SLCO3A1: variants seen among roughly 807,000 people sequenced by gnomAD.
SLCO3A1 encodes solute carrier organic anion transporter family member 3A1, also known as PGE1 transporter.
Under a neutral mutation model 63.1 loss-of-function variants are expected in SLCO3A1, and 27 were observed. That is an observed-to-expected ratio of 0.43 (90% CI 0.32 to 0.59). The LOEUF (loss-of-function observed/expected upper bound fraction) is 0.59, where lower values mean the gene tolerates loss of function less well. Among genes scored for constraint, SLCO3A1 ranks in the 20% least tolerant of loss-of-function variants. The pLI is 0.09. For synonymous variants in SLCO3A1, 473 were observed against 409.9 expected, an observed-to-expected ratio of 1.15 and a Z score of -1.86; for missense variants, 773 against 945.8, an observed-to-expected ratio of 0.82 and a Z score of 2.40.
intron 1 of SLCO3A1, among the ~76,000 whole-genome samples, chr15:91,893,640 A>T (rs2151359189): frequency 6.6e-6 from 1 of 152,310 alleles, no homozygotes; most frequent in African/African-American, 2.4e-5. Context: ...ATATATGAAC[A>T]TTTTTAAAAG....
At chr15:91,978,805 C>T (rs868006204) in intron 2 of SLCO3A1, among the ~76,000 whole-genome samples, 4 of 152,206 alleles carry the variant, frequency 2.6e-5, no homozygotes, top group Non-Finnish European at 2.9e-5. Context: ...AAACTTTCCA[C>T]GTATCAGTAT....
At chr15:92,135,069 AGGCAT>A (rs1219042484) in intron 7 of SLCO3A1, among the ~76,000 whole-genome samples, 1 of 152,210 alleles carries the variant, frequency 6.6e-6, no homozygotes, top group Admixed American at 6.5e-5. Context: ...TTTGGTAGCC[AGGCAT>A]GGAAGGACAT....
At position 91,882,427 on chromosome 15, in the gene SLCO3A1, CAATG is replaced by C. The variant is rs1326663838; in HGVS notation, c.180+28345_180+28348del. Among the ~76,000 whole-genome samples, 3 of 152,180 alleles carry C rather than the reference CAATG, an allele frequency of 2.0e-5. No homozygotes were observed. The highest frequency in any genetic ancestry group is 4.4e-5 in the Non-Finnish European group (3 of 68,036). ...TTTGGTAAATATTTACTAAATGAAT[CAATG>C]AATGATCAAACAGAGGGACATGAAA... On this transcript the variant is annotated intron_variant, in intron 1 of 9. Transcript: ENST00000318445. This position sits in a 1 kb window ranked among gnomAD's most constrained non-coding sequence, Gnocchi z 4.4.
Position 92,002,289 on chromosome 15 carries a change from C to T in SLCO3A1, c.646+85831C>T, listed in dbSNP as rs145969781. Among the ~76,000 whole-genome samples the T allele has an allele frequency of 4.2e-3, 642 of 152,246 alleles. 2 individuals carry two copies. Among genetic ancestry groups the T allele is most frequent in the Middle Eastern group, 0.034 (10 of 294 alleles). On this transcript the variant is annotated intron_variant, in intron 2 of 9. Transcript: ENST00000318445. ...CAGGGCCCTGTTCCAAGGCAGGCAA[C>T]GTCTAGACACAGTCCTTGGCCTGAG...
chr15:92,145,962 C>CG (rs5814520), intron 7 of SLCO3A1, among the ~76,000 whole-genome samples: 3 of 151,738 alleles, frequency 2.0e-5, no homozygotes, highest in East Asian at 1.9e-4. Context: ...TCAGAAAACC[C>CG]TATCTCTGTG....
chr15:92,154,085 A>C (rs938231612), intron 9 of SLCO3A1, among the ~76,000 whole-genome samples: 2 of 152,256 alleles, frequency 1.3e-5, no homozygotes, highest in African/African-American at 4.8e-5. Context: ...GGAGAATAAG[A>C]ACATGGCTGA....
intron 2 of SLCO3A1, among the ~76,000 whole-genome samples, chr15:92,041,258 G>A (rs759425147): frequency 6.6e-6 from 1 of 152,162 alleles, no homozygotes; most frequent in Non-Finnish European, 1.5e-5. Context: ...GTACAGGTAT[G>A]TTTCCATCAA....
chr15:92,091,022 C>G lies in SLCO3A1; in HGVS notation c.647-3859C>G, dbSNP rs1329967716. Among the ~76,000 whole-genome samples the G allele has an allele frequency of 2.6e-5, 4 of 152,200 alleles. No homozygotes were observed. In the South Asian group the frequency reaches 6.2e-4, roughly 24 times the overall value. On this transcript the variant is annotated intron_variant, in intron 2 of 9. Transcript: ENST00000318445. Reference sequence around the variant, plus strand: ...GGGATTTGAACCCAGGCTGTTCATACTCTCACCTGGACTTTTCCCTTAGGG... The same window carrying G: ...GGGATTTGAACCCAGGCTGTTCATAGTCTCACCTGGACTTTTCCCTTAGGG...
At chr15:92,075,730 G>A (rs180685889) in intron 2 of SLCO3A1, among the ~76,000 whole-genome samples, 7 of 152,330 alleles carry the variant, frequency 4.6e-5, no homozygotes, top group African/African-American at 1.7e-4. Context: ...GAATGGGATA[G>A]GAGTGACCCT....
Position 91,882,687 on chromosome 15 carries a change from C to CT in SLCO3A1, c.180+28605dup, listed in dbSNP as rs1897621344. Among the ~76,000 whole-genome samples, 2 of 151,994 alleles carry CT rather than the reference C, an allele frequency of 1.3e-5. No individual in the cohort carries two copies. The highest frequency in any genetic ancestry group is 2.4e-5 in the African/African-American group (1 of 41,392). On this transcript the variant is annotated intron_variant, in intron 1 of 9. Coordinates refer to ENST00000318445, the MANE Select transcript of SLCO3A1 (RefSeq NM_013272.4). This position sits in a 1 kb window ranked among gnomAD's most constrained non-coding sequence, Gnocchi z 4.4. ...ATGCACCACCACCACGTCCAGCTAA[C>CT]TTTTTTGTATTTTTAGTAGAGACAG...
At position 91,892,946 on chromosome 15, in the gene SLCO3A1, A is replaced by G. The variant is rs184171257; in HGVS notation, c.181-23047A>G. Among the ~76,000 whole-genome samples the G allele has an allele frequency of 5.7e-4, 87 of 152,382 alleles. 3 individuals carry two copies. The East Asian group carries it at 0.014, about 25-fold the overall frequency. On this transcript the variant is annotated intron_variant, in intron 1 of 9. Transcript: ENST00000318445. ...TCTGGTGCATAGCAGGTGCTATGAC[A>G]ATGTTTTGTTACTGTTATTTTTAGC...
At chr15:92,149,773 A>T (rs895003021) in intron 8 of SLCO3A1, 2 of 152,204 alleles carry the variant, frequency 1.3e-5, no homozygotes, top group Admixed American at 6.5e-5. Flanking sequence ...GTTCCTAGTG[A>T]CATATGATAG....
At position 91,853,913 on chromosome 15, in the gene SLCO3A1, A is replaced by T; in HGVS notation, c.5A>T (p.Gln2Leu). The change falls in exon 1 of 10, where the codon CAG becomes CTG. Residue 2 changes from glutamine (Q) to leucine (L), a missense_variant. Physicochemically the swap from Gln to Leu is moderately radical, Grantham distance 113. Transcript: ENST00000318445. M[Q>L]GKKPGGSSGG... ...GGCGGCGGCGGCGGGGGAAGGATGC[A>T]GGGGAAGAAGCCGGGCGGTTCGTCG... is the stretch of plus-strand genomic sequence containing the variant. 7.0e-7 allele frequency: 1 copy of T among 1,426,122 alleles called. No homozygotes were observed. The highest frequency in any genetic ancestry group is 1.4e-5 in the South Asian group (1 of 69,866). 88.3% of individuals were successfully genotyped at this position (1,426,122 alleles called of 1,614,324 possible).
chr15:92,124,915 T>C (rs1018004552), intron 5 of SLCO3A1, among the ~76,000 whole-genome samples: 1 of 152,002 alleles, frequency 6.6e-6, no homozygotes, highest in African/African-American at 2.4e-5. Context: ...GACAGTGGCA[T>C]GGTTGGGATG....
rs1038682813 is a variant in SLCO3A1, at chr15:91,862,460, C to A, written c.180+8372C>A. 6.6e-6 allele frequency among the ~76,000 whole-genome samples: 1 copy of A among 152,136 alleles called. No homozygotes were observed. Among genetic ancestry groups the A allele is most frequent in the Admixed American group, 6.5e-5 (1 of 15,272 alleles). Reference sequence around the variant, plus strand: ...CTTTGCCCTCTGAAAATTCTGGGAACAGGCTGTGCCCATAAACCCATCCCA... The same window carrying A: ...CTTTGCCCTCTGAAAATTCTGGGAAAAGGCTGTGCCCATAAACCCATCCCA... On this transcript the variant is annotated intron_variant, in intron 1 of 9. Coordinates refer to ENST00000318445, the MANE Select transcript of SLCO3A1 (RefSeq NM_013272.4). The surrounding 1 kb of genome is among the most constrained non-coding windows in gnomAD (Gnocchi z 4.0).
At chr15:92,140,617 T>C (rs2048118466) in intron 7 of SLCO3A1, among the ~76,000 whole-genome samples, 1 of 152,140 alleles carries the variant, frequency 6.6e-6, no homozygotes, top group Admixed American at 6.5e-5. Flanking sequence ...GGAGTCTAAT[T>C]CTCTTTGTAG....
At chr15:92,091,500 C>G (rs539920830) in intron 2 of SLCO3A1, among the ~76,000 whole-genome samples, 1 of 152,278 alleles carries the variant, frequency 6.6e-6, no homozygotes, top group East Asian at 1.9e-4. Context: ...AGGGGGAAAC[C>G]AAGGAAGAAA....
At position 92,131,364 on chromosome 15, in the gene SLCO3A1, CT is replaced by C. The variant is rs1176368440; in HGVS notation, c.1512+2893del. 2.8e-3 allele frequency among the ~76,000 whole-genome samples: 350 copies of C among 127,114 alleles called. 5 individuals are homozygous for C. Among genetic ancestry groups the C allele is most frequent in the African/African-American group, 7.4e-3 (249 of 33,714 alleles). 83.4% of individuals were successfully genotyped at this position (127,114 alleles called of 152,430 possible). ...CTCAACCTCCCTATTCCTCCCACCTCTTTTTTTTTTTTTTTTTTGAGACAGG... is the reference window on the plus strand; with the variant it reads ...CTCAACCTCCCTATTCCTCCCACCTCTTTTTTTTTTTTTTTTTGAGACAGG... On this transcript the variant is annotated intron_variant, in intron 7 of 9. Transcript: ENST00000318445.
chr15:91,945,740 T>C lies in SLCO3A1; in HGVS notation c.646+29282T>C, dbSNP rs1054730543. 3.3e-5 allele frequency among the ~76,000 whole-genome samples: 5 copies of C among 152,314 alleles called. No homozygotes were observed. In the East Asian group the frequency reaches 9.7e-4, roughly 29 times the overall value. ...ACTTGCAGGGTTTAGGTAGGAACAA[T>C]GTGATCCGATGGTGACTGGCTACTG... On this transcript the variant is annotated intron_variant, in intron 2 of 9. Transcript: ENST00000318445.
Sources: allele counts gnomAD v4.1 joint callset (sites outside exome capture counted in the v4.1 genomes callset), GRCh38; gene constraint gnomAD v4.1.1; non-coding constraint Gnocchi (gnomAD v3.1); transcripts MANE v1.5; gene names NCBI Gene and HGNC (gene_info 2026-07-23, HGNC 2026-07-21).